NT5DC1: variants seen among roughly 807,000 people sequenced by gnomAD.
The protein encoded by NT5DC1 is 5'-nucleotidase domain-containing protein 1.
In NT5DC1, 42 loss-of-function variants were observed where a neutral mutation model predicts 59.4. That is an observed-to-expected ratio of 0.71 (90% CI 0.55 to 0.92). The LOEUF (loss-of-function observed/expected upper bound fraction) is 0.92. Among genes scored for constraint, NT5DC1 ranks in the 40% least tolerant of loss-of-function variants. NT5DC1 has a pLI of 0.00. For synonymous variants in NT5DC1, 172 were observed against 188.1 expected (o/e 0.91, Z 0.70); for missense variants, 501 against 537.1 (o/e 0.93, Z 0.66).
chr6:116,242,533 T>A (rs866468070), intron 11 of NT5DC1, among the ~76,000 whole-genome samples: 50 of 146,184 alleles, frequency 3.4e-4, no homozygotes, highest in Admixed American at 1.0e-3. Flanking sequence ...TGAAACAAAG[T>A]AGATATTAAG....
At chr6:116,207,048 A>G (rs2114519762) in intron 6 of NT5DC1, among the ~76,000 whole-genome samples, 1 of 152,088 alleles carries the variant, frequency 6.6e-6, no homozygotes, top group South Asian at 2.1e-4. Flanking sequence ...TGCTTTCTTA[A>G]CAAACTTTTT....
chr6:116,168,612 T>G (rs1780532607), intron 6 of NT5DC1, among the ~76,000 whole-genome samples: 1 of 152,144 alleles, frequency 6.6e-6, no homozygotes, highest in Non-Finnish European at 1.5e-5. Flanking sequence ...TGTCGTGTAT[T>G]TTCCCCCTTT....
chr6:116,222,421 A>G (rs777348270), intron 7 of NT5DC1, among the ~76,000 whole-genome samples: 6 of 152,202 alleles, frequency 3.9e-5, no homozygotes, highest in Non-Finnish European at 8.8e-5. Context: ...CCATTGTAAT[A>G]GTGAGTCCTT....
intron 6 of NT5DC1, among the ~76,000 whole-genome samples, chr6:116,174,843 T>C (rs2114459420): frequency 6.6e-6 from 1 of 152,272 alleles, no homozygotes; most frequent in South Asian, 2.1e-4. Flanking sequence ...AATGGGATTA[T>C]TAATAGTTCC....
At chr6:116,237,556 G>A (rs1782141224) in intron 9 of NT5DC1, 2 of 456,526 alleles carry the variant, frequency 4.4e-6, no homozygotes, top group African/African-American at 2.0e-5. Flanking sequence ...GGGGACTCCT[G>A]AGGGTTAATG....
At chr6:116,111,007 C>A in intron 4 of NT5DC1, 51 bp downstream of exon 4, 3 of 1,255,604 alleles carry the variant, frequency 2.4e-6, no homozygotes, top group Non-Finnish European at 3.5e-6. Flanking sequence ...TTGTTTTGTA[C>A]CCTAAACCTT....
chr6:116,121,759 CTCTCCTG>C, intron 6 of NT5DC1: 1 of 1,613,910 alleles, frequency 6.2e-7, no homozygotes, highest in East Asian at 2.2e-5. Flanking sequence ...ATGGTCCTCT[CTCTCCTG>C]GTTTTCCTGG....
chr6:116,232,873 T>A (rs1782045865), intron 8 of NT5DC1, among the ~76,000 whole-genome samples: 1 of 152,258 alleles, frequency 6.6e-6, no homozygotes, highest in South Asian at 2.1e-4. Flanking sequence ...AATTACAGTT[T>A]CCAAGACAGC....
intron 6 of NT5DC1, among the ~76,000 whole-genome samples, chr6:116,203,597 A>G (rs552552661): frequency 9.2e-5 from 14 of 152,048 alleles, no homozygotes; most frequent in African/African-American, 3.4e-4. Flanking sequence ...TAATATAACT[A>G]CACCACATTT....
intron 8 of NT5DC1, among the ~76,000 whole-genome samples, chr6:116,233,120 A>G (rs1782050591): frequency 6.6e-6 from 1 of 152,262 alleles, no homozygotes; most frequent in Non-Finnish European, 1.5e-5. Context: ...ACTTTGGTAT[A>G]GAAAATTGTC....
chr6:116,177,228 TTA>T (rs1349581721), intron 6 of NT5DC1, among the ~76,000 whole-genome samples: 4 of 152,202 alleles, frequency 2.6e-5, no homozygotes, highest in Non-Finnish European at 5.9e-5. Context: ...GTCTCATAGA[TTA>T]TGTTTCTTTG....
chr6:116,178,110 CGT>C (rs368898636), intron 6 of NT5DC1, among the ~76,000 whole-genome samples: 21,809 of 116,544 alleles, frequency 0.19, 1,923 homozygotes, highest in Middle Eastern at 0.28. Flanking sequence ...CGCGTGCGTG[CGT>C]GTGTGTGTGT....
At chr6:116,222,992 T>C in intron 7 of NT5DC1, 42 bp from the exon 8 acceptor site, 2 of 1,065,264 alleles carry the variant, frequency 1.9e-6, no homozygotes, top group Non-Finnish European at 2.9e-6. Flanking sequence ...GGACCTTTTC[T>C]AATTCTTAAA....
intron 6 of NT5DC1, among the ~76,000 whole-genome samples, chr6:116,159,600 C>T (rs75133028): frequency 4.1e-4 from 62 of 152,300 alleles, no homozygotes; most frequent in African/African-American, 1.5e-3. Flanking sequence ...ATGCTCCCTG[C>T]AGCACACACA....
chr6:116,144,436 G>A (rs936496358), intron 6 of NT5DC1, among the ~76,000 whole-genome samples: 3 of 147,814 alleles, frequency 2.0e-5, no homozygotes, highest in Non-Finnish European at 3.0e-5. Flanking sequence ...AGGAGGCAGA[G>A]GTTGCAGTGA....
intron 6 of NT5DC1, among the ~76,000 whole-genome samples, chr6:116,123,199 A>G (rs1180066236): frequency 6.6e-6 from 1 of 152,196 alleles, no homozygotes; most frequent in East Asian, 1.9e-4. Context: ...TTACTATTAA[A>G]AAGGAGAAAC....
intron 6 of NT5DC1, among the ~76,000 whole-genome samples, chr6:116,153,137 A>G (rs1411159582): frequency 6.6e-6 from 1 of 151,318 alleles, no homozygotes; most frequent in African/African-American, 2.4e-5. Flanking sequence ...ATGTATATAC[A>G]TACATATTCA....
At chr6:116,119,159 T>C (rs1779030416) in intron 6 of NT5DC1, 1 of 152,602 alleles carries the variant, frequency 6.6e-6, no homozygotes, top group African/African-American at 2.4e-5. Flanking sequence ...AAATAATATA[T>C]CTCCACTTCT....
intron 6 of NT5DC1, among the ~76,000 whole-genome samples, chr6:116,178,285 G>A (rs1439391237): frequency 1.3e-5 from 2 of 152,112 alleles, no homozygotes; most frequent in Non-Finnish European, 2.9e-5. Flanking sequence ...ACCCTGCTTC[G>A]CTTCTGAGAT....
Sources: gnomAD v4.1 joint callset for allele counts (sites outside exome capture counted in the v4.1 genomes callset) on GRCh38, gnomAD v4.1.1 for gene constraint, MANE v1.5 for transcripts, NCBI Gene and HGNC (gene_info 2026-07-23, HGNC 2026-07-21) for gene names.